Variants in SUGCT observed in about 807,000 individuals in gnomAD.
The protein encoded by SUGCT is succinyl-CoA:glutarate-CoA transferase, also known as succinyl-CoA:glutarate CoA-transferase.
SUGCT carries 41 observed loss-of-function variants against 55.0 expected under a neutral mutation model. The observed-to-expected ratio is 0.74, with a 90% confidence interval of 0.58 to 0.97. The LOEUF (loss-of-function observed/expected upper bound fraction) is 0.97, where lower values mean the gene tolerates loss of function less well. Among genes scored for constraint, SUGCT ranks in the 50% least tolerant of loss-of-function variants. SUGCT has a pLI of 0.00. For missense variants in SUGCT, 568 were observed against 547.8 expected, an observed-to-expected ratio of 1.04 and a Z score of -0.37; for synonymous variants, 187 against 200.4, an observed-to-expected ratio of 0.93 and a Z score of 0.56.
intron 12 of SUGCT, among the ~76,000 whole-genome samples, chr7:40,501,541 C>A (rs1286463655): frequency 1.3e-5 from 2 of 152,086 alleles, no homozygotes; most frequent in Non-Finnish European, 2.9e-5. Flanking sequence ...AATTTGGACA[C>A]ATTTTTTATG....
At chr7:40,305,144 A>G (rs2058543157) in intron 8 of SUGCT, among the ~76,000 whole-genome samples, 1 of 152,098 alleles carries the variant, frequency 6.6e-6, no homozygotes, top group South Asian at 2.1e-4. Flanking sequence ...TCCATCTGGT[A>G]TGTGGGGAAG....
chr7:40,640,323 C>T (rs1800214398), intron 12 of SUGCT, among the ~76,000 whole-genome samples: 1 of 152,266 alleles, frequency 6.6e-6, no homozygotes, highest in South Asian at 2.1e-4. Context: ...CAGCTGGAAA[C>T]CTTATCCTGG....
the SUGCT span, among the ~76,000 whole-genome samples, chr7:40,963,795 A>G: frequency 6.6e-6 from 1 of 152,176 alleles, no homozygotes; most frequent in Non-Finnish European, 1.5e-5. Context: ...AATCATCAAG[A>G]TAGAAGTTAA....
intron 13 of SUGCT, among the ~76,000 whole-genome samples, chr7:40,798,893 C>T (rs540231190): frequency 7.9e-5 from 12 of 152,156 alleles, no homozygotes; most frequent in Middle Eastern, 3.4e-3. Context: ...ATGGACTGTA[C>T]CCCAAAGTGT....
chr7:40,644,079 A>G (rs1312611161), intron 12 of SUGCT, among the ~76,000 whole-genome samples: 1 of 152,164 alleles, frequency 6.6e-6, no homozygotes, highest in African/African-American at 2.4e-5. Flanking sequence ...GTCCAGGTTT[A>G]CTAGTAATAA....
intron 12 of SUGCT, among the ~76,000 whole-genome samples, chr7:40,727,601 A>G (rs1283638066): frequency 6.6e-6 from 1 of 152,246 alleles, no homozygotes; most frequent in African/African-American, 2.4e-5. Context: ...ACAGCCATCC[A>G]GTTCAGATTA....
chr7:40,610,524 C>T (rs567594079), intron 12 of SUGCT, among the ~76,000 whole-genome samples: 104 of 152,202 alleles, frequency 6.8e-4, no homozygotes, highest in African/African-American at 2.2e-3. Flanking sequence ...TAATATAATA[C>T]ATAAGTCAGA....
intron 9 of SUGCT, among the ~76,000 whole-genome samples, chr7:40,342,663 G>A (rs1797113982): frequency 6.7e-6 from 1 of 150,208 alleles, no homozygotes; most frequent in African/African-American, 2.4e-5. Flanking sequence ...TTTTTTTTGA[G>A]GCAGAGTCTT....
chr7:40,457,369 G>A (rs1583727010), intron 10 of SUGCT, among the ~76,000 whole-genome samples: 1 of 152,048 alleles, frequency 6.6e-6, no homozygotes, highest in Non-Finnish European at 1.5e-5. Context: ...CCTTGAACCC[G>A]GGAGGTGGAG....
rs182287622 is a variant in SUGCT at position 40,581,101 on chromosome 7, G to C, written c.1089+84715G>C. ...AGTAAAAATCCCTGTTGTGTGCTTCGCTGTTTATTTAATCATTAATTCGAT... is the reference window on the plus strand; with the variant it reads ...AGTAAAAATCCCTGTTGTGTGCTTCCCTGTTTATTTAATCATTAATTCGAT... On this transcript the variant is annotated intron_variant, in intron 12 of 13. Coordinates refer to ENST00000335693, the MANE Select transcript of SUGCT (RefSeq NM_001193313.2). Among the ~76,000 whole-genome samples the C allele has an allele frequency of 1.7e-3, 252 of 152,244 alleles. 3 individuals are homozygous for C. The highest frequency in any genetic ancestry group is 0.016 in the Admixed American group (249 of 15,288).
intron 13 of SUGCT, among the ~76,000 whole-genome samples, chr7:40,751,694 G>T (rs1011020825): frequency 6.6e-6 from 1 of 152,156 alleles, no homozygotes; most frequent in African/African-American, 2.4e-5. Flanking sequence ...CTCCTTGGAA[G>T]TCTGGGCCCT....
the SUGCT span, chr7:40,965,718 A>G: frequency 1.3e-5 from 2 of 152,270 alleles, no homozygotes; most frequent in Non-Finnish European, 2.9e-5. Context: ...TCTGAAAGAC[A>G]AAACAGACTA....
At chr7:40,405,920 C>T (rs1163830292) in intron 9 of SUGCT, among the ~76,000 whole-genome samples, 4 of 151,882 alleles carry the variant, frequency 2.6e-5, no homozygotes, top group Non-Finnish European at 4.4e-5. Flanking sequence ...CCACACAGTG[C>T]GTTCTTCTTG....
At chr7:40,538,491 A>G (rs1360195299) in intron 12 of SUGCT, 2 of 152,194 alleles carry the variant, frequency 1.3e-5, no homozygotes, top group South Asian at 2.1e-4. Flanking sequence ...TCTCAATTAG[A>G]TAAGGTTACC....
At chr7:40,249,847 C>T (rs751917065) in intron 7 of SUGCT, among the ~76,000 whole-genome samples, 9 of 152,052 alleles carry the variant, frequency 5.9e-5, no homozygotes, top group Non-Finnish European at 7.4e-5. Flanking sequence ...AGTGCAGTGG[C>T]GCGATCTCGG....
Position 40,469,724 on chromosome 7 carries a change from T to TC in SUGCT, c.986+10526_986+10527insC, listed in dbSNP as rs549307324. On this transcript the variant is annotated intron_variant, in intron 11 of 13. Transcript: ENST00000335693. ...TATGGAATGGAATGTCATCTCAGTT[T>TC]TTTTTTTCCAAGAGGGCTATAAACC... is the stretch of plus-strand genomic sequence containing the variant. 3.2e-4 allele frequency among the ~76,000 whole-genome samples: 48 copies of TC among 150,972 alleles called. No individual in the cohort carries two copies. In the South Asian group the frequency reaches 0.01, roughly 32 times the overall value.
At chr7:40,219,766 G>GA (rs1787921041) in intron 6 of SUGCT, among the ~76,000 whole-genome samples, 1 of 151,960 alleles carries the variant, frequency 6.6e-6, no homozygotes, top group Non-Finnish European at 1.5e-5. Context: ...CCAAAGGGCA[G>GA]AAAAAAACCT....
At chr7:40,560,866 CTGA>C (rs1028941293) in intron 12 of SUGCT, among the ~76,000 whole-genome samples, 1 of 152,192 alleles carries the variant, frequency 6.6e-6, no homozygotes, top group African/African-American at 2.4e-5. Context: ...TGCAAATCTG[CTGA>C]TTTTACGAAA....
intron 12 of SUGCT, among the ~76,000 whole-genome samples, chr7:40,726,462 G>C (rs1786616896): frequency 6.6e-6 from 1 of 152,062 alleles, no homozygotes; most frequent in Admixed American, 6.6e-5. Context: ...TGGTCTTGCT[G>C]TCTCAGGGGT....
Sources: allele counts gnomAD v4.1 joint callset (sites outside exome capture counted in the v4.1 genomes callset), GRCh38; gene constraint gnomAD v4.1.1; transcripts MANE v1.5; gene names NCBI Gene and HGNC (gene_info 2026-07-23, HGNC 2026-07-21).